The following HELZ2 variants were observed in gnomAD, a reference collection of about 807,000 sequenced individuals.
HELZ2 encodes helicase with zinc finger 2, also known as 3'-5' exoribonuclease HELZ2.
Under a neutral mutation model 208.8 loss-of-function variants are expected in HELZ2, and 143 were observed. That is an observed-to-expected ratio of 0.68 (90% CI 0.60 to 0.79). HELZ2 has a LOEUF of 0.79. HELZ2 is among the 30% of genes least tolerant of loss of function. The probability of loss-of-function intolerance (pLI) is 0.00; values close to 1 mark genes in which losing one functional copy is unlikely to be tolerated. For synonymous variants in HELZ2, 1,705 were observed against 1,693.7 expected (o/e 1.01, Z -0.16); for missense variants, 3,690 against 3,794.5 (o/e 0.97, Z 0.72).
exon 8 of HELZ2, chr20:63,565,858 C>T (rs6011901): frequency 6.3e-7 from 1 of 1,598,198 alleles, no homozygotes; most frequent in Non-Finnish European, 8.5e-7. Flanking sequence ...CCACAGCCGC[C>T]TGCTCCTCGG....
chr20:63,559,277 C>A (rs148963119), exon 19 of HELZ2: 67 of 1,585,122 alleles, frequency 4.2e-5, no homozygotes, highest in Non-Finnish European at 5.1e-5. Context: ...CCTGCAGACG[C>A]GCACCTGGCC....
rs368160855 is a variant in HELZ2, at chr20:63,564,807, C to T, written c.4015G>A (p.Ala1339Thr). Reference sequence around the variant, plus strand: ...GGGTCCACAGTGAAGGTCAAGAAGGCGCGGCAGTCCTCTCGGCGGCCGGCA... The same window carrying T: ...GGGTCCACAGTGAAGGTCAAGAAGGTGCGGCAGTCCTCTCGGCGGCCGGCA... Residue 1339 changes from alanine (A) to threonine (T), a missense_variant, in exon 8 of 19, where the codon GCC becomes ACC. Physicochemically the swap from Ala to Thr is moderately conservative, Grantham distance 58. Transcript: ENST00000467148. 3.1e-5 allele frequency: 50 copies of T among 1,609,410 alleles called. No homozygotes were observed. Among genetic ancestry groups the T allele is most frequent in the South Asian group, 6.6e-5 (6 of 91,022 alleles).
chr20:63,569,570 C>T (rs985200775), exon 4 of HELZ2: 1 of 1,594,952 alleles, frequency 6.3e-7, no homozygotes, highest in African/African-American at 1.3e-5. Context: ...AGCGCTCACC[C>T]CGTGCGTAGA....
At chr20:63,559,752 G>A (rs796659354) in intron 18 of HELZ2, among the ~76,000 whole-genome samples, 176 bp downstream of exon 19, 2,866 of 107,232 alleles carry the variant, frequency 0.027, 58 homozygotes, top group Middle Eastern at 0.045. Flanking sequence ...TCAGGGTCAG[G>A]TGGGAGGAGT....
rs1416044538 is a variant in HELZ2, at chr20:63,563,440, C to T, written c.5382G>A (p.Leu1794=). 3.3e-6 allele frequency: 5 copies of T among 1,529,378 alleles called. No homozygotes were observed. The Admixed American group carries it at 8.0e-5, about 24-fold the overall frequency. 94.7% of individuals were successfully genotyped at this position (1,529,378 alleles called of 1,614,324 possible). A position where few individuals can be genotyped will look rare whatever the true frequency, so the allele number is the denominator to read the frequency against. Residue 1794 remains leucine (L), a synonymous_variant, in exon 8 of 19, where the codon CTG becomes CTA. Transcript: ENST00000467148. The stretch of plus-strand genomic sequence containing the variant: ...GCGCTGAGTAGACACGGCGCCGCCA[C>T]AGGAGCCGCAGGCCCGGCCGGCCTG...
intron 3 of HELZ2, chr20:63,570,248 C>T: frequency 3.2e-6 from 2 of 621,932 alleles, no homozygotes; most frequent in Non-Finnish European, 6.1e-6. Flanking sequence ...GCGTGAACCA[C>T]CGCACCTGGC....
At chr20:63,569,563 G>A (rs1371075650) in exon 4 of HELZ2, 18 of 1,599,074 alleles carry the variant, frequency 1.1e-5, no homozygotes, top group Admixed American at 1.7e-5. Flanking sequence ...ACACGGAAGC[G>A]CTCACCCCGT....
rs767125537 is a variant in HELZ2, at chr20:63,570,457, A to C, written c.570+47T>G. On this transcript the variant is annotated intron_variant, in intron 3 of 18. Coordinates refer to ENST00000467148, the Ensembl canonical transcript of HELZ2. ...GACGTCTGCCCGGGCTGAAGTCACCACTTCCCCAGGGCTCCCTCCGCCCAG... is the reference window on the plus strand; with the variant it reads ...GACGTCTGCCCGGGCTGAAGTCACCCCTTCCCCAGGGCTCCCTCCGCCCAG... The C allele has an allele frequency of 2.6e-6, 4 of 1,524,552 alleles. No homozygotes were observed. The East Asian group carries it at 9.1e-5, about 35-fold the overall frequency. 94.4% of individuals were successfully genotyped at this position (1,524,552 alleles called of 1,614,324 possible). A position where few individuals can be genotyped will look rare whatever the true frequency, so the allele number is the denominator to read the frequency against.
chr20:63,559,379 G>A lies in HELZ2; in HGVS notation c.7826-9C>T. 1.3e-6 allele frequency: 2 copies of A among 1,587,924 alleles called. No individual in the cohort carries two copies. The highest frequency in any genetic ancestry group is 1.7e-6 in the Non-Finnish European group (2 of 1,163,390). On this transcript the variant is annotated splice_polypyrimidine_tract_variant and intron_variant, in intron 18 of 18. Coordinates refer to ENST00000467148, the Ensembl canonical transcript of HELZ2. ...CAGAAGGAGGTGGTCTCCTGTGAGGGTGGGAGTCAGATGGGAGTCAGTCAG... is the reference window on the plus strand; with the variant it reads ...CAGAAGGAGGTGGTCTCCTGTGAGGATGGGAGTCAGATGGGAGTCAGTCAG...
exon 14 of HELZ2, chr20:63,561,122 T>G (rs756866290): frequency 1.2e-6 from 2 of 1,612,922 alleles, no homozygotes; most frequent in Non-Finnish European, 1.7e-6. Flanking sequence ...GATGAGGGTT[T>G]CAGGTTCCGT....
chr20:63,563,851 C>G (rs781514938), exon 8 of HELZ2: 23 of 1,596,128 alleles, frequency 1.4e-5, no homozygotes, highest in Non-Finnish European at 2.0e-5. Context: ...AGTGGCCGCC[C>G]TGCTGCTGGT....
chr20:63,564,625 G>C, exon 8 of HELZ2: 2 of 1,568,444 alleles, frequency 1.3e-6, no homozygotes, highest in Non-Finnish European at 1.7e-6. Context: ...GCTCCCTGCC[G>C]GGGGCATAGA....
At chr20:63,571,013 G>C (rs2146023315) in intron 1 of HELZ2, 145 bp from the exon 3 acceptor site, 1 of 648,078 alleles carries the variant, frequency 1.5e-6, no homozygotes, top group Middle Eastern at 4.4e-4. Context: ...CCCGGGACAA[G>C]GCCTGGCTCA....
At chr20:63,570,511 T>C (rs2083006206) in exon 3 of HELZ2, 1 of 1,612,856 alleles carries the variant, frequency 6.2e-7, no homozygotes, top group Non-Finnish European at 8.5e-7. Flanking sequence ...CACCTCAGAG[T>C]GGACGGCAAA....
rs765553057 is a variant in HELZ2 at position 63,565,134 on chromosome 20, C to T, written c.3688G>A (p.Glu1230Lys). The T allele has an allele frequency of 6.3e-6, 10 of 1,579,546 alleles. No individual in the cohort carries two copies. The highest frequency in any genetic ancestry group is 1.3e-5 in the African/African-American group (1 of 74,346). The stretch of plus-strand genomic sequence containing the variant: ...GGGACCTGCGATGGGTCCTTCAGCT[C>T]GGCCACGAAGATCTTGGTCACGGAG... The change falls in exon 8 of 19, where the codon GAG becomes AAG. Residue 1230 changes from glutamate (E) to lysine (K), a missense_variant. Glu to Lys is a moderately conservative substitution (Grantham distance 56). Transcript: ENST00000467148.
At position 63,564,675 on chromosome 20, in the gene HELZ2, C is replaced by T. The variant is rs766206948; in HGVS notation, c.4147G>A (p.Gly1383Arg). ...CTTCGCGCCTCCACGTCCAGCACCC[C>T]GTCCCTGGGCACGAAGCTGGCCACA... The change falls in exon 8 of 19, where the codon GGG becomes AGG. Residue 1383 changes from glycine to arginine, a missense_variant. Gly to Arg is a moderately radical substitution (Grantham distance 125, BLOSUM62 -2). Transcript: ENST00000467148. 333 of 1,585,520 alleles carry T rather than the reference C, an allele frequency of 2.1e-4. No individual in the cohort carries two copies. Among genetic ancestry groups the T allele is most frequent in the Middle Eastern group, 6.6e-4 (4 of 6,042 alleles).
At chr20:63,566,275 G>A in intron 7 of HELZ2, 44 bp from the exon 9 acceptor site, 6 of 1,492,738 alleles carry the variant, frequency 4.0e-6, no homozygotes, top group Non-Finnish European at 5.4e-6. Flanking sequence ...GCGCAAGACG[G>A]TGGGACCAGC....
Position 63,564,987 on chromosome 20 carries a change from G to C in HELZ2, c.3835C>G (p.Pro1279Ala), listed in dbSNP as rs770435655. The change falls in exon 8 of 19, where the codon CCG (proline) becomes GCG (alanine). Residue 1279 changes from proline to alanine, a missense_variant. Coordinates refer to ENST00000467148, the Ensembl canonical transcript of HELZ2. ...AGCACCTCCCGGACGATGCCCAGCGGGTAGTAGAAGCCTTGCCGCCACAGG... is the reference window on the plus strand; with the variant it reads ...AGCACCTCCCGGACGATGCCCAGCGCGTAGTAGAAGCCTTGCCGCCACAGG... 4.2e-5 allele frequency: 68 copies of C among 1,601,386 alleles called. No homozygotes were observed. The African/African-American group carries it at 5.4e-4, about 13-fold the overall frequency.
At chr20:63,559,778 GTC>G in intron 18 of HELZ2, 148 bp downstream of exon 19, 1 of 457,042 alleles carries the variant, frequency 2.2e-6, no homozygotes, top group East Asian at 6.6e-5. Flanking sequence ...TCAGATGGGA[GTC>G]AGTCAGAGTC....
Sources: gnomAD v4.1 joint callset for allele counts (sites outside exome capture counted in the v4.1 genomes callset) on GRCh38, gnomAD v4.1.1 for gene constraint, MANE v1.5 for transcripts, NCBI Gene and HGNC (gene_info 2026-07-23, HGNC 2026-07-21) for gene names.